Variants in RAD51AP1 observed in about 807,000 individuals in gnomAD.
RAD51AP1 encodes RAD51 associated protein 1, also known as RAD51-associated protein 1.
A neutral mutation model predicts 34.3 loss-of-function variants in RAD51AP1; 14 were observed. The ratio of observed to expected loss-of-function variants is 0.41; its 90% CI spans 0.27 to 0.64. RAD51AP1 has a LOEUF of 0.64. RAD51AP1 is among the 30% of genes least tolerant of loss of function. RAD51AP1 has a pLI of 0.33. For synonymous variants in RAD51AP1, 114 were observed against 129.8 expected (o/e 0.88, Z 0.83); for missense variants, 348 against 386.9 (o/e 0.90, Z 0.84).
intron 6 of RAD51AP1, among the ~76,000 whole-genome samples, chr12:4,549,570 CCTT>C (rs1565525873): frequency 6.6e-6 from 1 of 152,084 alleles, no homozygotes; most frequent in African/African-American, 2.4e-5. Context: ...CAGCTCCTGT[CCTT>C]CTGGAACAAC....
chr12:4,545,891 A>AG, intron 3 of RAD51AP1: 2 of 1,562,950 alleles, frequency 1.3e-6, no homozygotes, highest in Non-Finnish European at 1.7e-6. Context: ...ATGTAAAAAA[A>AG]TGATAATAAT....
intron 1 of RAD51AP1, 89 bp from the exon 2 acceptor site, chr12:4,541,791 TTAAA>T (rs761403369): frequency 3.6e-4 from 149 of 417,514 alleles, no homozygotes; most frequent in Non-Finnish European, 1.6e-4. Flanking sequence ...ATGAATAATA[TTAAA>T]TAAATAAATA....
chr12:4,544,323 C>A (rs1230759384), intron 3 of RAD51AP1, among the ~76,000 whole-genome samples: 1 of 152,054 alleles, frequency 6.6e-6, no homozygotes, highest in Non-Finnish European at 1.5e-5. Context: ...TGTCTTCTCC[C>A]CATGTTGTTA....
intron 8 of RAD51AP1, among the ~76,000 whole-genome samples, chr12:4,557,541 T>A (rs1411700374): frequency 6.6e-6 from 1 of 152,200 alleles, no homozygotes; most frequent in African/African-American, 2.4e-5. Flanking sequence ...AATTACTTGA[T>A]GTCATATCAT....
At chr12:4,552,117 A>G (rs1441537579) in intron 6 of RAD51AP1, among the ~76,000 whole-genome samples, 4 of 152,078 alleles carry the variant, frequency 2.6e-5, no homozygotes, top group Admixed American at 6.6e-5. Flanking sequence ...TTATTTGTAC[A>G]TTTTTTGATT....
chr12:4,543,850 T>C lies in RAD51AP1; in HGVS notation c.155T>C (p.Leu52Ser), dbSNP rs774730711. ...ELKQDKPKPN[L>S]NNLRKEEIPV... is the part of the protein sequence containing the mutation. ...AAACAAGATAAACCAAAACCTAACT[T>C]GAACAATCTCCGGAAAGAAGAAATC... is the stretch of plus-strand genomic sequence containing the variant. The change falls in exon 3 of 9, where the codon TTG (leucine) becomes TCG (serine). Residue 52 changes from leucine (L) to serine (S), a missense_variant. Transcript: ENST00000352618. 3 of 1,612,752 alleles carry C rather than the reference T, an allele frequency of 1.9e-6. No homozygotes were observed. Among genetic ancestry groups the C allele is most frequent in the East Asian group, 4.5e-5 (2 of 44,728 alleles).
At position 4,559,065 on chromosome 12, in the gene RAD51AP1, T is replaced by G; in HGVS notation, c.*72T>G. 1.3e-6 allele frequency: 2 copies of G among 1,540,802 alleles called. No homozygotes were observed. The highest frequency in any genetic ancestry group is 1.8e-6 in the Non-Finnish European group (2 of 1,128,408). On this transcript the variant is annotated 3_prime_UTR_variant, in exon 9 of 9. Transcript: ENST00000352618. ...AGGGTGTTTATATTTGATTTGTGTT[T>G]ATATTTGAGGCAGGTATTGTAATAT...
intron 3 of RAD51AP1, 63 bp from the exon 4 acceptor site, chr12:4,546,246 C>A: frequency 1.6e-6 from 2 of 1,232,002 alleles, no homozygotes; most frequent in Non-Finnish European, 2.3e-6. Context: ...AAATCTCAAA[C>A]TTTGCTCTTT....
intron 8 of RAD51AP1, among the ~76,000 whole-genome samples, chr12:4,557,013 T>C (rs888106794): frequency 2.0e-5 from 3 of 152,210 alleles, no homozygotes; most frequent in Admixed American, 2.0e-4. Flanking sequence ...CAGCCAAGTC[T>C]CATGGATCCT....
At chr12:4,545,228 G>C in intron 3 of RAD51AP1, 1 of 454,242 alleles carries the variant, frequency 2.2e-6, no homozygotes, top group South Asian at 1.6e-5. Context: ...GCCATAGAAA[G>C]AAATGACAAC....
At chr12:4,540,188 A>G (rs1252371209) in intron 1 of RAD51AP1, among the ~76,000 whole-genome samples, 2 of 152,216 alleles carry the variant, frequency 1.3e-5, no homozygotes, top group Admixed American at 6.5e-5. Context: ...TCTTTGTATT[A>G]AGATAGGGAA....
chr12:4,555,730 G>A (rs1944577282), intron 7 of RAD51AP1, among the ~76,000 whole-genome samples: 1 of 152,096 alleles, frequency 6.6e-6, no homozygotes, highest in African/African-American at 2.4e-5. Flanking sequence ...ATCTTGATTT[G>A]GTTCAGACCA....
Position 4,556,501 on chromosome 12 carries a change from A to C in RAD51AP1, c.870A>C (p.Pro290=). The stretch of plus-strand genomic sequence containing the variant: ...GCAAGAAACCTAAATGGGTCCCACC[A>C]GGTATGGCATATTTATCATCAAGGA... The part of the protein sequence containing the change: ...AESKKPKWVP[P]AASGGSRSSS... The change falls in exon 8 of 9, where the codon CCA becomes CCC. Residue 290 remains proline (P), a splice_region_variant and synonymous_variant. Transcript: ENST00000352618. 6.2e-7 allele frequency: 1 copy of C among 1,612,386 alleles called. No individual in the cohort carries two copies. The highest frequency in any genetic ancestry group is 8.5e-7 in the Non-Finnish European group (1 of 1,179,082).
At chr12:4,557,417 A>T (rs1175667556) in intron 8 of RAD51AP1, among the ~76,000 whole-genome samples, 1 of 152,204 alleles carries the variant, frequency 6.6e-6, no homozygotes, top group African/African-American at 2.4e-5. Flanking sequence ...TCTTCATTTC[A>T]TCATGTGAAA....
intron 1 of RAD51AP1, among the ~76,000 whole-genome samples, chr12:4,539,651 G>A (rs1319479763): frequency 6.6e-6 from 1 of 152,148 alleles, no homozygotes; most frequent in Non-Finnish European, 1.5e-5. Flanking sequence ...GTGACTCTGA[G>A]GCGATAATGC....
At chr12:4,552,617 AGATTACT>A (rs1220751503) in intron 6 of RAD51AP1, among the ~76,000 whole-genome samples, 1 of 152,258 alleles carries the variant, frequency 6.6e-6, no homozygotes, top group Non-Finnish European at 1.5e-5. Flanking sequence ...TCTGAAGTAA[AGATTACT>A]GATGGGAAAT....
chr12:4,547,988 C>G, intron 4 of RAD51AP1, 104 bp from the exon 5 acceptor site: 1 of 1,186,300 alleles, frequency 8.4e-7, no homozygotes, highest in Non-Finnish European at 1.1e-6. Flanking sequence ...AGTTTGGGAT[C>G]ATTTATTTAT....
intron 6 of RAD51AP1, 120 bp from the exon 7 acceptor site, chr12:4,552,863 C>T: frequency 1.1e-6 from 1 of 896,666 alleles, no homozygotes; most frequent in Non-Finnish European, 1.6e-6. Context: ...CTGCAGTGTT[C>T]TGCTACTGGA....
intron 3 of RAD51AP1, among the ~76,000 whole-genome samples, chr12:4,544,176 C>T (rs1208088414): frequency 7.3e-6 from 1 of 137,278 alleles, no homozygotes; most frequent in Non-Finnish European, 1.7e-5. Context: ...CAGCACTTAT[C>T]TCTGAATTCC....
Sources: gnomAD v4.1 joint callset for allele counts (sites outside exome capture counted in the v4.1 genomes callset) on GRCh38, gnomAD v4.1.1 for gene constraint, MANE v1.5 for transcripts, NCBI Gene and HGNC (gene_info 2026-07-23, HGNC 2026-07-21) for gene names.